Variants in GLRA3 observed in about 807,000 individuals in gnomAD.
GLRA3 encodes the protein glycine receptor subunit alpha-3.
Under a neutral mutation model 60.4 loss-of-function variants are expected in GLRA3, and 44 were observed. That is an observed-to-expected ratio of 0.73 (90% CI 0.57 to 0.94). The LOEUF (loss-of-function observed/expected upper bound fraction) is 0.94. GLRA3 is among the 40% of genes least tolerant of loss of function. The pLI, the probability that GLRA3 is intolerant of heterozygous loss-of-function variation, is 0.00. For missense variants in GLRA3, 508 were observed against 564.6 expected, an observed-to-expected ratio of 0.90 and a Z score of 1.02; for synonymous variants, 223 against 192.9, an observed-to-expected ratio of 1.16 and a Z score of -1.29.
chr4:174,779,826 T>C (rs926149886), intron 2 of GLRA3, among the ~76,000 whole-genome samples: 1 of 151,756 alleles, frequency 6.6e-6, no homozygotes, highest in African/African-American at 2.4e-5. Flanking sequence ...AAAGACCAAA[T>C]CTACGTCTGA....
intron 1 of GLRA3, among the ~76,000 whole-genome samples, chr4:174,798,814 C>T (rs1047250591): frequency 6.6e-6 from 1 of 152,108 alleles, no homozygotes; most frequent in African/African-American, 2.4e-5. Context: ...GTCCCAGCTA[C>T]TCGGGAGGCT....
chr4:174,653,995 C>T (rs1054388332), intron 9 of GLRA3, among the ~76,000 whole-genome samples: 1 of 152,024 alleles, frequency 6.6e-6, no homozygotes, highest in African/African-American at 2.4e-5. Context: ...GATTTCAACT[C>T]CTGATAGTAG....
At chr4:174,665,081 A>G (rs997393172) in intron 7 of GLRA3, among the ~76,000 whole-genome samples, 2 of 152,160 alleles carry the variant, frequency 1.3e-5, no homozygotes, top group African/African-American at 4.8e-5. Flanking sequence ...GTTAGATGGC[A>G]GTGGCCAGGG....
chr4:174,696,529 G>A (rs1490822993), intron 5 of GLRA3, among the ~76,000 whole-genome samples: 2 of 149,678 alleles, frequency 1.3e-5, no homozygotes, highest in Non-Finnish European at 3.0e-5. Context: ...CTATATTAAA[G>A]GTTTAAACAG....
rs375282755 is a variant in GLRA3 at position 174,706,124 on chromosome 4, G to A, written c.574+9364C>T. ...GGGCACCTGTAGTCCCAGCTACTCG[G>A]GAGGCTGAGACAGGAGAATGGCGTG... On this transcript the variant is annotated intron_variant, in intron 5 of 9. Transcript: ENST00000274093. Among the ~76,000 whole-genome samples the A allele has an allele frequency of 1.4e-4, 22 of 152,054 alleles. 1 individual carries two copies. Among genetic ancestry groups the A allele is most frequent in the East Asian group, 9.7e-4 (5 of 5,178 alleles).
At chr4:174,789,042 G>A in intron 1 of GLRA3, 99 bp from the exon 2 acceptor site, 2 of 725,976 alleles carry the variant, frequency 2.8e-6, no homozygotes, top group Non-Finnish European at 4.4e-6. Context: ...AAATATCTTT[G>A]GCAACAAAAC....
intron 1 of GLRA3, among the ~76,000 whole-genome samples, chr4:174,790,746 C>G (rs536088617): frequency 4.1e-5 from 6 of 145,872 alleles, no homozygotes; most frequent in Non-Finnish European, 8.9e-5. Flanking sequence ...TTTGGGAGGC[C>G]GAAGCGGGTG....
At chr4:174,787,333 G>T (rs1028764813) in intron 2 of GLRA3, among the ~76,000 whole-genome samples, 3 of 152,042 alleles carry the variant, frequency 2.0e-5, no homozygotes, top group Non-Finnish European at 2.9e-5. Context: ...TAATGAATCT[G>T]CTAATTCCCG....
intron 2 of GLRA3, among the ~76,000 whole-genome samples, chr4:174,782,097 C>T (rs1738901985): frequency 6.8e-6 from 1 of 147,736 alleles, no homozygotes; most frequent in Non-Finnish European, 1.5e-5. Flanking sequence ...AATCCAGCAG[C>T]ACATCAAAAA....
rs75456171 is a variant in GLRA3 at position 174,731,707 on chromosome 4, A to T, written c.268-3009T>A. ...GTTCATCCAAAGGTCACTTAAGGTTAATGAAAACATAAATTATACTGCAAG... is the reference window on the plus strand; with the variant it reads ...GTTCATCCAAAGGTCACTTAAGGTTTATGAAAACATAAATTATACTGCAAG... On this transcript the variant is annotated intron_variant, in intron 3 of 9. Transcript: ENST00000274093. 4.9e-3 allele frequency among the ~76,000 whole-genome samples: 748 copies of T among 152,302 alleles called. 8 individuals carry two copies. The highest frequency in any genetic ancestry group is 0.015 in the African/African-American group (627 of 41,576).
Position 174,659,471 on chromosome 4 carries a change from T to C in GLRA3, c.928-274A>G, listed in dbSNP as rs183274841. ...ATATAATTTTACCTTCAGAACAGTA[T>C]ACTGCTTGAAAAGTATGAACATTGA... On this transcript the variant is annotated intron_variant, in intron 7 of 9. Transcript: ENST00000274093. Among the ~76,000 whole-genome samples the C allele has an allele frequency of 5.0e-4, 76 of 152,320 alleles. No homozygotes were observed. The East Asian group carries it at 9.6e-3, about 19-fold the overall frequency.
chr4:174,731,247 C>G (rs906877669), intron 3 of GLRA3, among the ~76,000 whole-genome samples: 3 of 152,118 alleles, frequency 2.0e-5, no homozygotes, highest in African/African-American at 7.2e-5. Context: ...AAGGCTGATT[C>G]TTCATAGCCA....
chr4:174,737,689 T>A (rs1189208477), intron 3 of GLRA3, among the ~76,000 whole-genome samples: 2 of 152,098 alleles, frequency 1.3e-5, no homozygotes, highest in Non-Finnish European at 2.9e-5. Context: ...ATTTTGTATT[T>A]TTAGTAGAGA....
rs1180478351 is a variant in GLRA3 at position 174,829,235 on chromosome 4, T to C, written c.-424A>G. On this transcript the variant is annotated 5_prime_UTR_variant, in exon 1 of 10. Coordinates refer to ENST00000274093, the MANE Select transcript of GLRA3 (RefSeq NM_006529.4). ...AGCGCCGCCCGCCGGAATCCAGCTCTCCACCTTGGGTTAAAACCCGAGACC... is the reference window on the plus strand; with the variant it reads ...AGCGCCGCCCGCCGGAATCCAGCTCCCCACCTTGGGTTAAAACCCGAGACC... 1 of 163,918 alleles carries C rather than the reference T, an allele frequency of 6.1e-6. No individual in the cohort carries two copies. Among genetic ancestry groups the C allele is most frequent in the Non-Finnish European group, 1.3e-5 (1 of 75,480 alleles). The allele number at this position is 163,918 out of a possible 1,614,324, so 10.2% of individuals were successfully genotyped here.
intron 5 of GLRA3, among the ~76,000 whole-genome samples, chr4:174,714,565 A>T (rs903768861): frequency 6.6e-6 from 1 of 152,136 alleles, no homozygotes; most frequent in Non-Finnish European, 1.5e-5. Flanking sequence ...GGGTATAGTC[A>T]CGTTGCCCCA....
At position 174,811,911 on chromosome 4, in the gene GLRA3, A is replaced by T. The variant is rs145353698; in HGVS notation, c.71+16830T>A. On this transcript the variant is annotated intron_variant, in intron 1 of 9. Transcript: ENST00000274093. ...TCATAATTTCAAAATGATTACATAA[A>T]ATCAATGTGAAAAAAGTTGATCAAG... 1.7e-3 allele frequency among the ~76,000 whole-genome samples: 252 copies of T among 152,282 alleles called. 1 individual carries two copies. Among genetic ancestry groups the T allele is most frequent in the African/African-American group, 5.7e-3 (238 of 41,574 alleles).
intron 3 of GLRA3, among the ~76,000 whole-genome samples, chr4:174,734,727 A>G (rs539224782): frequency 3.3e-5 from 5 of 152,338 alleles, no homozygotes; most frequent in African/African-American, 9.6e-5. Context: ...CTCATTTAGT[A>G]ACCTCTGCGT....
chr4:174,701,440 A>G (rs1419647254), intron 5 of GLRA3, among the ~76,000 whole-genome samples: 1 of 152,180 alleles, frequency 6.6e-6, no homozygotes, highest in Admixed American at 6.5e-5. Flanking sequence ...GCTCTGATGG[A>G]GATGTACAGG....
At chr4:174,719,123 C>G (rs1464141544) in intron 4 of GLRA3, among the ~76,000 whole-genome samples, 1 of 151,694 alleles carries the variant, frequency 6.6e-6, no homozygotes, top group Non-Finnish European at 1.5e-5. Context: ...GCCACCTCGC[C>G]CGGCTAATTT....
Sources: allele counts gnomAD v4.1 joint callset (sites outside exome capture counted in the v4.1 genomes callset), GRCh38; gene constraint gnomAD v4.1.1; transcripts MANE v1.5; gene names NCBI Gene and HGNC (gene_info 2026-07-23, HGNC 2026-07-21).